The following TSPAN9 variants were observed in gnomAD, a reference collection of about 807,000 sequenced individuals.
The protein encoded by TSPAN9 is tetraspanin 9, also known as tetraspanin-9.
Under a neutral mutation model 31.0 loss-of-function variants are expected in TSPAN9, and 16 were observed. The ratio of observed to expected loss-of-function variants is 0.52; its 90% CI spans 0.35 to 0.78. The LOEUF (loss-of-function observed/expected upper bound fraction) is 0.78. Ranked by LOEUF, TSPAN9 falls within the 30% of genes least tolerant of loss-of-function variation. TSPAN9 has a pLI of 0.01. For missense variants in TSPAN9, 272 were observed against 312.5 expected (o/e 0.87, Z 0.98); for synonymous variants, 145 against 121.6 (o/e 1.19, Z -1.27).
intron 2 of TSPAN9, among the ~76,000 whole-genome samples, chr12:3,161,575 G>A (rs1222858365): frequency 6.6e-6 from 1 of 152,160 alleles, no homozygotes; most frequent in Admixed American, 6.5e-5. Flanking sequence ...CTAGCGTGGG[G>A]CCTGGCCTGG....
intron 3 of TSPAN9, among the ~76,000 whole-genome samples, chr12:3,226,744 GTA>G (rs869054494): frequency 2.1e-3 from 6 of 2,854 alleles, no homozygotes; most frequent in African/African-American, 5.0e-3. Context: ...GTGTGTGTGT[GTA>G]TATATATATA....
At chr12:3,236,769 C>G (rs1184893613) in intron 3 of TSPAN9, among the ~76,000 whole-genome samples, 1 of 152,084 alleles carries the variant, frequency 6.6e-6, no homozygotes, top group African/African-American at 2.4e-5. Flanking sequence ...TGACTCTTCT[C>G]CAGGTTCAGC....
intron 2 of TSPAN9, chr12:3,149,992 G>A (rs564355987): frequency 6.6e-6 from 1 of 152,304 alleles, no homozygotes; most frequent in Non-Finnish European, 1.5e-5. Flanking sequence ...CAGACATGTA[G>A]TGAACGCCCA....
Position 3,206,430 on chromosome 12 carries a change from C to T in TSPAN9, c.63+5174C>T, listed in dbSNP as rs537595286. 5.2e-4 allele frequency: 231 copies of T among 446,988 alleles called. 1 individual carries two copies. The highest frequency in any genetic ancestry group is 3.5e-3 in the South Asian group (226 of 64,156). The allele number at this position is 446,988 out of a possible 1,614,324, so 27.7% of individuals were successfully genotyped here. Reference sequence around the variant, plus strand: ...CTGTCAAGGGAGAGGTGAGAGCATTCTAGGGTGAGGCAGCAGCAGGCCTGC... The same window carrying T: ...CTGTCAAGGGAGAGGTGAGAGCATTTTAGGGTGAGGCAGCAGCAGGCCTGC... On this transcript the variant is annotated intron_variant, in intron 3 of 8. Transcript: ENST00000011898.
Position 3,285,640 on chromosome 12 carries a change from A to G in TSPAN9, c.*2524A>G, listed in dbSNP as rs1219616565. The G allele has an allele frequency of 1.3e-5, 2 of 152,220 alleles. No homozygotes were observed. Among genetic ancestry groups the G allele is most frequent in the Non-Finnish European group, 2.9e-5 (2 of 68,048 alleles). The allele number at this position is 152,220 out of a possible 1,614,324, so 9.4% of individuals were successfully genotyped here. On this transcript the variant is annotated 3_prime_UTR_variant, in exon 9 of 9. Transcript: ENST00000011898. ...CCAGCGATGCCAGTGAAGGTGGCAC[A>G]GCCTCTCTTCAGTTTCTCCTGACTG...
chr12:3,085,710 G>T (rs113178222), intron 2 of TSPAN9, among the ~76,000 whole-genome samples: 65 of 152,324 alleles, frequency 4.3e-4, no homozygotes, highest in Admixed American at 1.2e-3. Flanking sequence ...CCACTGCCAA[G>T]GTTCTTTCTG....
chr12:3,203,220 C>A (rs917870565), intron 3 of TSPAN9, among the ~76,000 whole-genome samples: 8 of 152,086 alleles, frequency 5.3e-5, no homozygotes, highest in African/African-American at 1.9e-4. Context: ...AGGATGAGCC[C>A]AACGTGGTTT....
chr12:3,141,228 C>T (rs2098334698), intron 2 of TSPAN9, among the ~76,000 whole-genome samples: 1 of 152,146 alleles, frequency 6.6e-6, no homozygotes, highest in Non-Finnish European at 1.5e-5. Context: ...CCCCTTCAGA[C>T]CTGCTCCTTG....
chr12:3,227,871 C>T (rs547465768), intron 3 of TSPAN9, among the ~76,000 whole-genome samples: 4 of 152,202 alleles, frequency 2.6e-5, no homozygotes, highest in East Asian at 3.9e-4. Context: ...TGACTTCTGC[C>T]GAGGTTATAA....
intron 1 of TSPAN9, among the ~76,000 whole-genome samples, chr12:3,083,322 A>G (rs933411): frequency 0.41 from 62,495 of 152,106 alleles, 14,928 homozygotes; most frequent in African/African-American, 0.66. Context: ...AAATCCTTGG[A>G]TGACAAAGGT....
chr12:3,281,384 C>T (rs1045233236), intron 7 of TSPAN9, 55 bp downstream of exon 7: 26 of 1,512,730 alleles, frequency 1.7e-5, no homozygotes, highest in Non-Finnish European at 2.3e-5. Flanking sequence ...GATGCCCCGG[C>T]ACGGGGAGCC....
intron 3 of TSPAN9, among the ~76,000 whole-genome samples, chr12:3,254,955 G>A (rs955836276): frequency 5.9e-5 from 9 of 152,142 alleles, no homozygotes; most frequent in Non-Finnish European, 7.3e-5. Context: ...TGTATTTGTC[G>A]GTTTCCAGGG....
At chr12:3,254,577 A>G (rs1047114223) in intron 3 of TSPAN9, among the ~76,000 whole-genome samples, 2 of 152,220 alleles carry the variant, frequency 1.3e-5, no homozygotes, top group Non-Finnish European at 2.9e-5. Context: ...TCTGATGATG[A>G]TGATGACAGC....
chr12:3,097,508 G>A (rs1188173405), intron 2 of TSPAN9, among the ~76,000 whole-genome samples: 1 of 152,180 alleles, frequency 6.6e-6, no homozygotes, highest in African/African-American at 2.4e-5. Context: ...TGCTCACCCC[G>A]GAACCCACAA....
intron 3 of TSPAN9, among the ~76,000 whole-genome samples, chr12:3,213,654 G>A (rs922050659): frequency 6.6e-6 from 1 of 151,902 alleles, no homozygotes; most frequent in Non-Finnish European, 1.5e-5. Flanking sequence ...CCCTTCACCT[G>A]TCCCTTTCTC....
chr12:3,285,245 G>A lies in TSPAN9; in HGVS notation c.*2129G>A, dbSNP rs1039417501. 1.5e-5 allele frequency: 2 copies of A among 137,606 alleles called. No homozygotes were observed. Among genetic ancestry groups the A allele is most frequent in the African/African-American group, 2.8e-5 (1 of 35,616 alleles). 8.5% of individuals were successfully genotyped at this position (137,606 alleles called of 1,614,324 possible). ...GCTGCAGTTGCACGGTGGGACCCGG[G>A]GCCTCGTGCGTTTTTTGCTGTGGGT... is the stretch of plus-strand genomic sequence containing the variant. On this transcript the variant is annotated 3_prime_UTR_variant, in exon 9 of 9. Coordinates refer to ENST00000011898, the MANE Select transcript of TSPAN9 (RefSeq NM_006675.5).
intron 3 of TSPAN9, among the ~76,000 whole-genome samples, chr12:3,277,449 T>G (rs941189912): frequency 6.6e-6 from 1 of 152,164 alleles, no homozygotes; most frequent in Non-Finnish European, 1.5e-5. Flanking sequence ...ATTGCTCCCA[T>G]CCAGCCAGAA....
intron 2 of TSPAN9, among the ~76,000 whole-genome samples, chr12:3,135,522 G>A (rs1258409875): frequency 6.6e-6 from 1 of 152,136 alleles, no homozygotes; most frequent in East Asian, 1.9e-4. Flanking sequence ...TTCCTGCTAG[G>A]TTCTGCCTCA....
intron 2 of TSPAN9, among the ~76,000 whole-genome samples, chr12:3,154,884 C>T (rs553342614): frequency 9.8e-5 from 15 of 152,312 alleles, no homozygotes; most frequent in African/African-American, 3.4e-4. Context: ...AGTGGTTGAA[C>T]GTGATCACAG....
Sources: allele counts gnomAD v4.1 joint callset (sites outside exome capture counted in the v4.1 genomes callset), GRCh38; gene constraint gnomAD v4.1.1; transcripts MANE v1.5; gene names NCBI Gene and HGNC (gene_info 2026-07-23, HGNC 2026-07-21).